IL1RAP: variants seen among roughly 807,000 people sequenced by gnomAD.
The protein encoded by IL1RAP is interleukin-1 receptor accessory protein.
Under a neutral mutation model 60.7 loss-of-function variants are expected in IL1RAP, and 35 were observed. That is an observed-to-expected ratio of 0.58 (90% CI 0.44 to 0.76). The LOEUF (loss-of-function observed/expected upper bound fraction) is 0.76, where lower values mean the gene tolerates loss of function less well. Ranked by LOEUF, IL1RAP falls within the 30% of genes least tolerant of loss-of-function variation. The probability of loss-of-function intolerance (pLI) is 0.00; values close to 1 mark genes in which losing one functional copy is unlikely to be tolerated. For synonymous variants in IL1RAP, 268 were observed against 250.9 expected, an observed-to-expected ratio of 1.07 and a Z score of -0.64; for missense variants, 572 against 693.9, an observed-to-expected ratio of 0.82 and a Z score of 1.97.
intron 2 of IL1RAP, among the ~76,000 whole-genome samples, chr3:190,561,533 A>T (rs939981184): frequency 6.6e-6 from 1 of 152,138 alleles, no homozygotes; most frequent in Non-Finnish European, 1.5e-5. Flanking sequence ...CCTCAATCAC[A>T]CTAATTAGAA....
intron 3 of IL1RAP, among the ~76,000 whole-genome samples, chr3:190,583,319 A>G (rs1295376859): frequency 6.6e-6 from 1 of 152,240 alleles, no homozygotes; most frequent in African/African-American, 2.4e-5. Flanking sequence ...ATGAAAGGAT[A>G]TAATAAATAG....
intron 3 of IL1RAP, among the ~76,000 whole-genome samples, chr3:190,567,249 G>A (rs992871352): frequency 6.6e-6 from 1 of 152,074 alleles, no homozygotes; most frequent in Admixed American, 6.6e-5. Context: ...TTTCATCTTA[G>A]GTGATGATAA....
chr3:190,583,707 C>G (rs1435435598), intron 3 of IL1RAP, among the ~76,000 whole-genome samples: 1 of 152,096 alleles, frequency 6.6e-6, no homozygotes, highest in African/African-American at 2.4e-5. Context: ...ATCTATATAT[C>G]CAGAGGTGTA....
At chr3:190,628,460 T>G (rs971449449) in intron 8 of IL1RAP, among the ~76,000 whole-genome samples, 1 of 152,206 alleles carries the variant, frequency 6.6e-6, no homozygotes, top group Non-Finnish European at 1.5e-5. Flanking sequence ...TCAGAGCCCT[T>G]AACCAAATTC....
chr3:190,531,350 C>T (rs990717274), intron 1 of IL1RAP, among the ~76,000 whole-genome samples: 46 of 152,146 alleles, frequency 3.0e-4, no homozygotes, highest in African/African-American at 1.1e-3. Context: ...TTTTGTAACC[C>T]AGGTGTTACA....
rs112885633 is a variant in IL1RAP, at chr3:190,626,975, A to G, written c.776-348A>G. Among the ~76,000 whole-genome samples the G allele has an allele frequency of 4.0e-3, 603 of 152,236 alleles. 8 individuals carry two copies. Among genetic ancestry groups the G allele is most frequent in the Non-Finnish European group, 6.4e-3 (432 of 68,000 alleles). ...GTGAGCCACTATGCCTAGCCTTGTC[A>G]GAGACTTTTTAAACAAATATCATCA... On this transcript the variant is annotated intron_variant, in intron 7 of 11. Coordinates refer to ENST00000447382, the MANE Select transcript of IL1RAP (RefSeq NM_002182.4).
chr3:190,542,932 C>T (rs535368006), intron 1 of IL1RAP, among the ~76,000 whole-genome samples: 24 of 139,652 alleles, frequency 1.7e-4, no homozygotes, highest in African/African-American at 5.7e-4. Flanking sequence ...GGAGTTCACC[C>T]TAGCCAAAAA....
chr3:190,644,446 A>G (rs1733869129), intron 10 of IL1RAP, 49 bp downstream of exon 10: 2 of 1,362,404 alleles, frequency 1.5e-6, no homozygotes, highest in Non-Finnish European at 1.0e-6. Context: ...CATCTTTAGA[A>G]CATATGTTGT....
At chr3:190,526,167 T>A (rs766763521) in intron 1 of IL1RAP, among the ~76,000 whole-genome samples, 7 of 152,318 alleles carry the variant, frequency 4.6e-5, no homozygotes, top group Non-Finnish European at 7.4e-5. Flanking sequence ...TGATAACATA[T>A]GCCAGACTCC....
At chr3:190,562,832 T>C (rs1407974507) in intron 2 of IL1RAP, among the ~76,000 whole-genome samples, 2 of 151,930 alleles carry the variant, frequency 1.3e-5, no homozygotes, top group Non-Finnish European at 2.9e-5. Context: ...GAAAGACTGA[T>C]GGAGAGAAAA....
chr3:190,582,997 C>G (rs1023907683), intron 3 of IL1RAP, among the ~76,000 whole-genome samples: 1 of 152,180 alleles, frequency 6.6e-6, no homozygotes, highest in Non-Finnish European at 1.5e-5. Flanking sequence ...CATCTTCATT[C>G]TATTTCACTC....
chr3:190,594,954 A>G (rs1729257739), intron 3 of IL1RAP, among the ~76,000 whole-genome samples: 1 of 152,194 alleles, frequency 6.6e-6, no homozygotes. Context: ...GAGGGACTTC[A>G]TTGATCATAA....
chr3:190,604,506 C>G, intron 4 of IL1RAP, 93 bp downstream of exon 4: 2 of 1,325,368 alleles, frequency 1.5e-6, no homozygotes, highest in South Asian at 2.8e-5. Context: ...GGGGAGAAGT[C>G]GGAAGCATTT....
intron 1 of IL1RAP, among the ~76,000 whole-genome samples, chr3:190,525,741 C>G (rs1722457776): frequency 6.6e-6 from 1 of 152,160 alleles, no homozygotes; most frequent in Non-Finnish European, 1.5e-5. Context: ...TAGGGAAAAC[C>G]TATATATTCT....
chr3:190,645,119 A>C (rs1317661400), intron 10 of IL1RAP, among the ~76,000 whole-genome samples: 1 of 152,218 alleles, frequency 6.6e-6, no homozygotes, highest in Non-Finnish European at 1.5e-5. Context: ...AAAAGAATAG[A>C]GCATTTAAAC....
intron 1 of IL1RAP, among the ~76,000 whole-genome samples, chr3:190,552,643 A>G (rs1029966031): frequency 6.6e-6 from 1 of 152,146 alleles, no homozygotes; most frequent in Non-Finnish European, 1.5e-5. Flanking sequence ...AACTACACCC[A>G]GTCCCCACAA....
chr3:190,516,852 T>C (rs183126923), intron 1 of IL1RAP, among the ~76,000 whole-genome samples: 2 of 152,348 alleles, frequency 1.3e-5, no homozygotes, highest in African/African-American at 4.8e-5. Context: ...CTCAATTTAT[T>C]TAGAACATAA....
chr3:190,651,009 C>T lies in IL1RAP; in HGVS notation c.*2304C>T. On this transcript the variant is annotated 3_prime_UTR_variant, in exon 12 of 12. Coordinates refer to ENST00000447382, the MANE Select transcript of IL1RAP (RefSeq NM_002182.4). ...CCTTTGGTACTTAATTTTACAAATG[C>T]TGTAATATAAAGCATATCAAGTTTA... is the stretch of plus-strand genomic sequence containing the variant. 1 of 984,592 alleles carries T rather than the reference C, an allele frequency of 1.0e-6. No individual in the cohort carries two copies. Among genetic ancestry groups the T allele is most frequent in the South Asian group, 4.7e-5 (1 of 21,260 alleles). The allele number at this position is 984,592 out of a possible 1,614,324, so 61.0% of individuals were successfully genotyped here. A position where few individuals can be genotyped will look rare whatever the true frequency, so the allele number is the denominator to read the frequency against.
At chr3:190,518,935 A>G (rs557165454) in intron 1 of IL1RAP, 21 of 152,332 alleles carry the variant, frequency 1.4e-4, no homozygotes, top group African/African-American at 5.1e-4. Flanking sequence ...AGCACAAAGC[A>G]AGACATGATG....
Sources: allele counts gnomAD v4.1 joint callset (sites outside exome capture counted in the v4.1 genomes callset), GRCh38; gene constraint gnomAD v4.1.1; transcripts MANE v1.5; gene names NCBI Gene and HGNC (gene_info 2026-07-23, HGNC 2026-07-21).